The following SLC10A7 variants were observed in gnomAD, a reference collection of about 807,000 sequenced individuals.
The protein encoded by SLC10A7 is solute carrier family 10 member 7.
Under a neutral mutation model 43.2 loss-of-function variants are expected in SLC10A7, and 29 were observed. The ratio of observed to expected loss-of-function variants is 0.67; its 90% CI spans 0.50 to 0.92. SLC10A7 has a LOEUF of 0.92. Ranked by LOEUF, SLC10A7 falls within the 40% of genes least tolerant of loss-of-function variation. The pLI, the probability that SLC10A7 is intolerant of heterozygous loss-of-function variation, is 0.00. For synonymous variants in SLC10A7, 152 were observed against 144.8 expected (o/e 1.05, Z -0.35); for missense variants, 295 against 403.2 (o/e 0.73, Z 2.30).
rs188242987 is a variant in SLC10A7 at position 146,375,246 on chromosome 4, C to G, written c.436-49250G>C. On this transcript the variant is annotated intron_variant, in intron 5 of 11. Transcript: ENST00000335472. ...AAACAAAAAGCAAAACAAAACACAA[C>G]AAAAAACCAAACAGTATGAATAGAC... Among the ~76,000 whole-genome samples, 24 of 152,066 alleles carry G rather than the reference C, an allele frequency of 1.6e-4. 1 individual carries two copies. In the East Asian group the frequency reaches 4.2e-3, roughly 27 times the overall value.
At chr4:146,519,066 CATAT>C (rs869090267) in intron 1 of SLC10A7, among the ~76,000 whole-genome samples, 234 of 5,888 alleles carry the variant, frequency 0.04, 1 homozygote, top group East Asian at 0.19. Context: ...GAAAAATCAC[CATAT>C]ATATATATAT....
chr4:146,512,972 C>A (rs905220196), intron 2 of SLC10A7, among the ~76,000 whole-genome samples: 1 of 152,036 alleles, frequency 6.6e-6, no homozygotes, highest in East Asian at 1.9e-4. Context: ...ATGTACAAGA[C>A]ACATTTTTTA....
chr4:146,507,057 A>G (rs1175111550), intron 3 of SLC10A7, among the ~76,000 whole-genome samples: 1 of 152,226 alleles, frequency 6.6e-6, no homozygotes, highest in African/African-American at 2.4e-5. Flanking sequence ...TAATTAACAT[A>G]TACATCTACT....
chr4:146,424,966 A>G (rs1160464258), intron 5 of SLC10A7, among the ~76,000 whole-genome samples: 14 of 152,220 alleles, frequency 9.2e-5, no homozygotes, highest in Non-Finnish European at 1.5e-5. Flanking sequence ...AATCATTAAA[A>G]AAAGTTCTGG....
intron 5 of SLC10A7, among the ~76,000 whole-genome samples, chr4:146,437,629 A>G (rs897858332): frequency 2.6e-4 from 40 of 152,096 alleles, no homozygotes; most frequent in African/African-American, 9.2e-4. Flanking sequence ...AATTCAGCAT[A>G]GTCTTCAATA....
At chr4:146,493,610 G>A (rs1735645826) in intron 4 of SLC10A7, among the ~76,000 whole-genome samples, 1 of 152,110 alleles carries the variant, frequency 6.6e-6, no homozygotes, top group African/African-American at 2.4e-5. Flanking sequence ...CTGTTTCAGA[G>A]AAACATCCTA....
chr4:146,490,052 A>G (rs1337050693), intron 4 of SLC10A7, among the ~76,000 whole-genome samples: 1 of 152,034 alleles, frequency 6.6e-6, no homozygotes, highest in African/African-American at 2.4e-5. Flanking sequence ...CAAAAAGATG[A>G]TGACATCAAA....
At chr4:146,329,661 T>C (rs1166949363) in intron 5 of SLC10A7, among the ~76,000 whole-genome samples, 1 of 152,220 alleles carries the variant, frequency 6.6e-6, no homozygotes, top group Admixed American at 6.5e-5. Flanking sequence ...GAGAGGAGTT[T>C]CAGGCTCAGT....
intron 2 of SLC10A7, chr4:146,515,082 G>A (rs1470805926): frequency 7.1e-6 from 5 of 701,340 alleles, no homozygotes; most frequent in Non-Finnish European, 1.0e-5. Flanking sequence ...GACAGCTGTG[G>A]CATTCTTCCT....
At chr4:146,437,101 C>T (rs1010120933) in intron 5 of SLC10A7, among the ~76,000 whole-genome samples, 11 of 152,006 alleles carry the variant, frequency 7.2e-5, no homozygotes, top group African/African-American at 2.7e-4. Context: ...GCTTCAGTAT[C>T]TCAAAAAATG....
chr4:146,460,523 T>C (rs914325745), intron 4 of SLC10A7, among the ~76,000 whole-genome samples: 2 of 151,908 alleles, frequency 1.3e-5, no homozygotes, highest in African/African-American at 4.8e-5. Flanking sequence ...TATGGATAAA[T>C]GGAACAACAT....
intron 5 of SLC10A7, among the ~76,000 whole-genome samples, chr4:146,385,625 C>A (rs1044583995): frequency 6.6e-6 from 1 of 152,020 alleles, no homozygotes; most frequent in Non-Finnish European, 1.5e-5. Flanking sequence ...ATTTTAGATG[C>A]AAGGGGTACA....
chr4:146,328,134 C>T (rs1733281132), intron 5 of SLC10A7, among the ~76,000 whole-genome samples: 1 of 152,172 alleles, frequency 6.6e-6, no homozygotes, highest in Non-Finnish European at 1.5e-5. Context: ...CATACACCCT[C>T]TAGGGCACTA....
At chr4:146,348,318 G>A (rs1256210021) in intron 5 of SLC10A7, among the ~76,000 whole-genome samples, 1 of 152,112 alleles carries the variant, frequency 6.6e-6, no homozygotes, top group Non-Finnish European at 1.5e-5. Context: ...GATATCTTAT[G>A]GAATTTTCCC....
intron 6 of SLC10A7, among the ~76,000 whole-genome samples, chr4:146,313,818 G>A (rs1194129476): frequency 6.6e-6 from 1 of 152,046 alleles, no homozygotes. Flanking sequence ...AGCTCAGTTC[G>A]AATCACAGTT....
intron 5 of SLC10A7, among the ~76,000 whole-genome samples, chr4:146,425,761 T>C (rs989104307): frequency 6.6e-6 from 1 of 152,150 alleles, no homozygotes; most frequent in African/African-American, 2.4e-5. Context: ...TGAGAATACC[T>C]ATCTAAGCAC....
At chr4:146,440,963 T>C (rs926173544) in intron 5 of SLC10A7, among the ~76,000 whole-genome samples, 2 of 152,322 alleles carry the variant, frequency 1.3e-5, no homozygotes, top group East Asian at 3.9e-4. Context: ...GTCTGTGCCA[T>C]TTATTTGACA....
chr4:146,512,400 A>G (rs185534831), intron 2 of SLC10A7, among the ~76,000 whole-genome samples: 1 of 152,376 alleles, frequency 6.6e-6, no homozygotes, highest in Admixed American at 6.5e-5. Flanking sequence ...AATTTATCCT[A>G]AAGATATAAA....
chr4:146,451,692 A>G (rs1160799417), intron 4 of SLC10A7, among the ~76,000 whole-genome samples: 1 of 152,140 alleles, frequency 6.6e-6, no homozygotes, highest in East Asian at 1.9e-4. Flanking sequence ...TTCATGATAA[A>G]AATTCTCAAC....
Sources: gnomAD v4.1 joint callset for allele counts (sites outside exome capture counted in the v4.1 genomes callset) on GRCh38, gnomAD v4.1.1 for gene constraint, MANE v1.5 for transcripts, NCBI Gene and HGNC (gene_info 2026-07-23, HGNC 2026-07-21) for gene names.